PROCA1: variants seen among roughly 807,000 people sequenced by gnomAD.
PROCA1 encodes protein interacting with cyclin A1.
PROCA1 carries 22 observed loss-of-function variants against 23.2 expected under a neutral mutation model. The observed-to-expected ratio is 0.95, with a 90% CI of 0.68 to 1.35. The LOEUF (loss-of-function observed/expected upper bound fraction) is 1.35. Ranked by LOEUF, PROCA1 falls within the 40% of genes most tolerant of loss-of-function variation. The pLI is 0.00. For synonymous variants in PROCA1, 182 were observed against 179.2 expected (o/e 1.02, Z -0.12); for missense variants, 469 against 459.8 (o/e 1.02, Z -0.18).
rs201149555 is a variant in PROCA1, at chr17:28,704,396, G to C, written c.351C>G (p.Gly117=). 1.9e-5 allele frequency: 30 copies of C among 1,613,854 alleles called. No individual in the cohort carries two copies. Among genetic ancestry groups the C allele is most frequent in the Non-Finnish European group, 2.5e-5 (30 of 1,179,974 alleles). The change falls in exon 4 of 5, where the codon GGC becomes GGG. Residue 117 remains glycine, a synonymous_variant. Coordinates refer to ENST00000682792, the MANE Select transcript of PROCA1 (RefSeq NM_001366301.1). The part of the protein sequence containing the change: ...DSSEDSSSSR[G]AGPTCSHVIE... ...TGACATGGGAGCAGGTTGGGCCCGCGCCCCGGGAGCTGCTGCTATCCTCTG... is the reference window on the plus strand; with the variant it reads ...TGACATGGGAGCAGGTTGGGCCCGCCCCCCGGGAGCTGCTGCTATCCTCTG...
At chr17:28,710,997 T>C in intron 1 of PROCA1, 1 of 1,045,840 alleles carries the variant, frequency 9.6e-7, no homozygotes, top group Non-Finnish European at 1.2e-6. Flanking sequence ...AGGGAAGGAG[T>C]AGGGCGGGAA....
chr17:28,711,072 G>C, intron 1 of PROCA1: 2 of 1,184,142 alleles, frequency 1.7e-6, no homozygotes, highest in Non-Finnish European at 2.1e-6. Flanking sequence ...CAGTGCGCCC[G>C]CGTCTCCTTG....
intron 1 of PROCA1, among the ~76,000 whole-genome samples, chr17:28,710,108 C>T (rs376107581): frequency 9.1e-4 from 138 of 152,258 alleles, no homozygotes; most frequent in Non-Finnish European, 1.5e-3. Flanking sequence ...CACAGCCTCC[C>T]TTATCCACCC....
At chr17:28,707,052 C>A (rs2032546378) in intron 1 of PROCA1, 3 of 328,096 alleles carry the variant, frequency 9.1e-6, no homozygotes, top group South Asian at 7.1e-5. Context: ...CCTACCAGGA[C>A]TGGAAAGGAG....
In PROCA1 at chr17:28,711,556, C is replaced by G. The variant is rs371178333; in HGVS notation, c.91+14G>C. 3.7e-6 allele frequency: 6 copies of G among 1,605,356 alleles called. No homozygotes were observed. Among genetic ancestry groups the G allele is most frequent in the Non-Finnish European group, 5.1e-6 (6 of 1,177,038 alleles). ...GCCGCGCCCTCTGCCCAGCCCCTGC[C>G]CCGCCCCTCTTACCGCGGCATCTGC... On this transcript the variant is annotated intron_variant, in intron 1 of 4. Coordinates refer to ENST00000682792, the MANE Select transcript of PROCA1 (RefSeq NM_001366301.1).
chr17:28,703,879 T>A lies in PROCA1; in HGVS notation c.774A>T (p.Lys258Asn). The A allele has an allele frequency of 6.2e-7, 1 of 1,614,146 alleles. No homozygotes were observed. The highest frequency in any genetic ancestry group is 1.6e-4 in the Middle Eastern group (1 of 6,062). Residue 258 changes from lysine (K) to asparagine (N), a missense_variant, in exon 5 of 5, where the codon AAA (lysine) becomes AAT (asparagine). Transcript: ENST00000682792. ...EMDEKAKLKK[K>N]AKKGQLTKKK... Reference sequence around the variant, plus strand: ...TCTTAGTCAACTGGCCTTTCTTGGCTTTTTTCTTCAGCTTTGCCTTCTCAT... The same window carrying A: ...TCTTAGTCAACTGGCCTTTCTTGGCATTTTTCTTCAGCTTTGCCTTCTCAT...
Position 28,711,665 on chromosome 17 carries a change from C to T in PROCA1, c.-5G>A. The T allele has an allele frequency of 6.2e-7, 1 of 1,612,026 alleles. No individual in the cohort carries two copies. The highest frequency in any genetic ancestry group is 8.5e-7 in the Non-Finnish European group (1 of 1,179,264). Reference sequence around the variant, plus strand: ...GAGCGTCGTCCTGACCCACATCGCTCTCCGCCCAGGTCTTCGTCTCTACAG... The same window carrying T: ...GAGCGTCGTCCTGACCCACATCGCTTTCCGCCCAGGTCTTCGTCTCTACAG... On this transcript the variant is annotated 5_prime_UTR_variant, in exon 1 of 5. Coordinates refer to ENST00000682792, the MANE Select transcript of PROCA1 (RefSeq NM_001366301.1).
At position 28,711,192 on chromosome 17, in the gene PROCA1, C is replaced by A. The variant is rs1046838142; in HGVS notation, c.91+378G>T. ...TCGATGGAACCGCCCGCTCCCGCCC[C>A]GGCGTCCGGGTGGGCGCTGGTCCAC... On this transcript the variant is annotated intron_variant, in intron 1 of 4. Coordinates refer to ENST00000682792, the MANE Select transcript of PROCA1 (RefSeq NM_001366301.1). 2.6e-6 allele frequency: 3 copies of A among 1,161,268 alleles called. No individual in the cohort carries two copies. In the East Asian group the frequency reaches 1.7e-4, roughly 64 times the overall value. The allele number at this position is 1,161,268 out of a possible 1,614,324, so 71.9% of individuals were successfully genotyped here.
chr17:28,710,379 C>T (rs1041745706), intron 1 of PROCA1, among the ~76,000 whole-genome samples: 1 of 151,688 alleles, frequency 6.6e-6, no homozygotes, highest in Non-Finnish European at 1.5e-5. Flanking sequence ...TGGTGGCGCG[C>T]GCCTGTAATC....
chr17:28,703,921 T>G lies in PROCA1; in HGVS notation c.732A>C (p.Lys244Asn). Reference protein sequence around the residue: ...KKVKKKKEKEKDKEEMDEKAK... With the variant: ...KKVKKKKEKENDKEEMDEKAK... Reference sequence around the variant, plus strand: ...CCTTCTCATCCATCTCCTCCTTGTCTTTCTCTTTTTCCTTTTTCTTCTTTA... The same window carrying G: ...CCTTCTCATCCATCTCCTCCTTGTCGTTCTCTTTTTCCTTTTTCTTCTTTA... The change falls in exon 5 of 5, where the codon AAA (lysine) becomes AAC (asparagine). Residue 244 changes from lysine to asparagine, a missense_variant. Physicochemically the swap from Lys to Asn is moderately conservative, Grantham distance 94 (BLOSUM62 0). Coordinates refer to ENST00000682792, the MANE Select transcript of PROCA1 (RefSeq NM_001366301.1). The G allele has an allele frequency of 6.2e-7, 1 of 1,613,800 alleles. No individual in the cohort carries two copies. The highest frequency in any genetic ancestry group is 8.5e-7 in the Non-Finnish European group (1 of 1,179,934).
Position 28,711,293 on chromosome 17 carries a change from C to G in PROCA1, c.91+277G>C, listed in dbSNP as rs1031810259. Reference sequence around the variant, plus strand: ...CACCCAGTCCGATAGCCGAGCGTTCCAGCTCTGGCTGGAACCAGACTTCCC... The same window carrying G: ...CACCCAGTCCGATAGCCGAGCGTTCGAGCTCTGGCTGGAACCAGACTTCCC... On this transcript the variant is annotated intron_variant, in intron 1 of 4. Coordinates refer to ENST00000682792, the MANE Select transcript of PROCA1 (RefSeq NM_001366301.1). 1.9e-4 allele frequency: 112 copies of G among 598,464 alleles called. 1 individual carries two copies. The highest frequency in any genetic ancestry group is 2.7e-4 in the Non-Finnish European group (104 of 380,180). 37.1% of individuals were successfully genotyped at this position (598,464 alleles called of 1,614,324 possible).
Position 28,711,553 on chromosome 17 carries a change from T to C in PROCA1, c.91+17A>G, listed in dbSNP as rs200722524. On this transcript the variant is annotated intron_variant, in intron 1 of 4. Transcript: ENST00000682792. ...CGGGCCGCGCCCTCTGCCCAGCCCC[T>C]GCCCCGCCCCTCTTACCGCGGCATC... The C allele has an allele frequency of 5.6e-5, 89 of 1,600,810 alleles. No homozygotes were observed. The Admixed American group carries it at 1.5e-3, about 27-fold the overall frequency.
chr17:28,705,065 G>A, intron 2 of PROCA1: 1 of 502,722 alleles, frequency 2.0e-6, no homozygotes, highest in Non-Finnish European at 3.6e-6. Flanking sequence ...CAAGCCCCCT[G>A]CAGTCCTGTG....
In PROCA1 at chr17:28,703,745, A is replaced by C. The variant is rs1408836926; in HGVS notation, c.908T>G (p.Leu303Arg). The C allele has an allele frequency of 4.3e-6, 7 of 1,613,866 alleles. No homozygotes were observed. The African/African-American group carries it at 9.4e-5, about 22-fold the overall frequency. The change falls in exon 5 of 5, where the codon CTG (leucine) becomes CGG (arginine). Residue 303 changes from leucine (L) to arginine (R), a missense_variant. Physicochemically the swap from Leu to Arg is moderately radical, Grantham distance 102 (BLOSUM62 -2). Transcript: ENST00000682792. ...SESSPESREE[L>R]ESEDSYNGRG... ...GCCATTGTAACTGTCCTCGCTCTCC[A>C]GCTCTTCCCGGCTTTCTGGGCTGGA...
At chr17:28,708,356 G>A (rs542668063) in intron 1 of PROCA1, among the ~76,000 whole-genome samples, 3 of 152,194 alleles carry the variant, frequency 2.0e-5, no homozygotes, top group South Asian at 2.1e-4. Flanking sequence ...ACTGTTCCTT[G>A]GGCTTCCATG....
rs538553005 is a variant in PROCA1, at chr17:28,709,980, G to A, written c.91+1590C>T. On this transcript the variant is annotated intron_variant, in intron 1 of 4. Coordinates refer to ENST00000682792, the MANE Select transcript of PROCA1 (RefSeq NM_001366301.1). ...CTACTGCACTCCAGTGTGGGCAGCA[G>A]AGTGAGACGGCGGGAAGGACAGGTG... Among the ~76,000 whole-genome samples, 12 of 152,252 alleles carry A rather than the reference G, an allele frequency of 7.9e-5. No homozygotes were observed. In the South Asian group the frequency reaches 2.5e-3, roughly 32 times the overall value.
At chr17:28,711,470 G>C in intron 1 of PROCA1, 100 bp downstream of exon 1, 1 of 992,178 alleles carries the variant, frequency 1.0e-6, no homozygotes, top group South Asian at 1.6e-5. Flanking sequence ...TCGTTGGTTT[G>C]CCCGTCTCCC....
chr17:28,708,212 G>A (rs772150762), intron 1 of PROCA1, among the ~76,000 whole-genome samples: 8 of 152,154 alleles, frequency 5.3e-5, no homozygotes, highest in Non-Finnish European at 7.4e-5. Flanking sequence ...GTTTCACCAT[G>A]TTGGACAGGC....
At chr17:28,709,342 G>A (rs1208465565) in intron 1 of PROCA1, among the ~76,000 whole-genome samples, 1 of 151,232 alleles carries the variant, frequency 6.6e-6, no homozygotes, top group East Asian at 2.0e-4. Flanking sequence ...TGCAAGCTCC[G>A]CCTCCCGGGT....
Sources: gnomAD v4.1 joint callset for allele counts (sites outside exome capture counted in the v4.1 genomes callset) on GRCh38, gnomAD v4.1.1 for gene constraint, MANE v1.5 for transcripts, NCBI Gene and HGNC (gene_info 2026-07-23, HGNC 2026-07-21) for gene names.